Variants in ZNF385D observed in about 807,000 individuals in gnomAD.
The protein encoded by ZNF385D is zinc finger protein 659.
ZNF385D carries 15 observed loss-of-function variants against 35.8 expected under a neutral mutation model. The observed-to-expected ratio is 0.42, with a 90% CI of 0.28 to 0.64. The LOEUF (loss-of-function observed/expected upper bound fraction) is 0.64. Among genes scored for constraint, ZNF385D ranks in the 30% least tolerant of loss-of-function variants. The pLI is 0.23. For synonymous variants in ZNF385D, 212 were observed against 186.8 expected, an observed-to-expected ratio of 1.13 and a Z score of -1.10; for missense variants, 474 against 494.6, an observed-to-expected ratio of 0.96 and a Z score of 0.39.
At chr3:21,890,563 G>A (rs1438711067) in intron 3 of ZNF385D, among the ~76,000 whole-genome samples, 3 of 152,252 alleles carry the variant, frequency 2.0e-5, no homozygotes, top group South Asian at 2.1e-4. Context: ...AGGTTGCAGT[G>A]AGCCAAGATC....
At position 22,261,271 on chromosome 3, in the gene ZNF385D, C is replaced by A. The variant is rs373703450; in HGVS notation, c.107-92236G>T. On this transcript the variant is annotated intron_variant, in intron 2 of 5. Transcript: ENST00000494108. ...AGGAGGAGACAGAGAACCAGCTAGA[C>A]AGACTGTAACATTATAGTTAAAGAC... Among the ~76,000 whole-genome samples the A allele has an allele frequency of 3.3e-5, 5 of 151,902 alleles. No homozygotes were observed. In the South Asian group the frequency reaches 1.0e-3, roughly 32 times the overall value.
At chr3:22,000,369 C>G (rs1157272184) in intron 3 of ZNF385D, among the ~76,000 whole-genome samples, 1 of 152,072 alleles carries the variant, frequency 6.6e-6, no homozygotes, top group South Asian at 2.1e-4. Flanking sequence ...TCTGGTCATC[C>G]TCACTGCTAC....
At chr3:22,143,690 C>A (rs1280264826) in intron 3 of ZNF385D, among the ~76,000 whole-genome samples, 1 of 152,134 alleles carries the variant, frequency 6.6e-6, no homozygotes, top group African/African-American at 2.4e-5. Context: ...TGAACATCAA[C>A]ATATTAACAA....
At chr3:22,139,879 G>A (rs555140820) in intron 3 of ZNF385D, among the ~76,000 whole-genome samples, 133 of 152,024 alleles carry the variant, frequency 8.7e-4, no homozygotes, top group Admixed American at 3.9e-3. Context: ...AAATAAAAGC[G>A]TGAAATAAAA....
chr3:21,774,383 C>A (rs2125620493), intron 3 of ZNF385D, among the ~76,000 whole-genome samples: 1 of 151,826 alleles, frequency 6.6e-6, no homozygotes, highest in Admixed American at 6.6e-5. Flanking sequence ...CACACATTGA[C>A]CTATGTAACA....
At chr3:21,624,151 C>G (rs1173277194) in intron 2 of ZNF385D, among the ~76,000 whole-genome samples, 1 of 152,010 alleles carries the variant, frequency 6.6e-6, no homozygotes, top group Non-Finnish European at 1.5e-5. Context: ...TTATGGAAAC[C>G]AACCGCACTA....
intron 3 of ZNF385D, among the ~76,000 whole-genome samples, chr3:21,839,713 C>T (rs1040357328): frequency 4.6e-5 from 7 of 151,988 alleles, no homozygotes; most frequent in African/African-American, 1.7e-4. Flanking sequence ...ACAGAACAGC[C>T]ATTATTTGGA....
intron 3 of ZNF385D, among the ~76,000 whole-genome samples, chr3:21,806,532 G>T (rs1339778297): frequency 6.6e-6 from 1 of 151,862 alleles, no homozygotes; most frequent in African/African-American, 2.4e-5. Context: ...AGTTAATTGG[G>T]GTCACAGAAC....
chr3:21,694,042 C>CTGTTTTTTTTTTTTTT (rs2067379702), intron 1 of ZNF385D, among the ~76,000 whole-genome samples: 1 of 22,178 alleles, frequency 4.5e-5, no homozygotes. Flanking sequence ...CTACGCCTGG[C>CTGTTTTTTTTTTTTTT]TTTTTTTTTT....
chr3:21,588,597 A>C (rs1293386173), intron 2 of ZNF385D, among the ~76,000 whole-genome samples: 1 of 152,156 alleles, frequency 6.6e-6, no homozygotes, highest in African/African-American at 2.4e-5. Context: ...ATGGATAGAA[A>C]CATTAAAAAT....
At chr3:22,134,289 G>A (rs1015088246) in intron 3 of ZNF385D, 2 of 151,834 alleles carry the variant, frequency 1.3e-5, no homozygotes, top group Non-Finnish European at 2.9e-5. Context: ...ATGTAATTCA[G>A]AACAAAAAAA....
At chr3:21,913,329 T>A (rs896691363) in intron 3 of ZNF385D, among the ~76,000 whole-genome samples, 1 of 152,100 alleles carries the variant, frequency 6.6e-6, no homozygotes, top group Non-Finnish European at 1.5e-5. Context: ...CATAAAACTA[T>A]TTTCTCAGGT....
chr3:21,521,223 C>T, intron 3 of ZNF385D, among the ~76,000 whole-genome samples: 1 of 152,152 alleles, frequency 6.6e-6, no homozygotes, highest in Non-Finnish European at 1.5e-5. Flanking sequence ...GAATAAACAT[C>T]GTCACAGTTC....
intron 1 of ZNF385D, among the ~76,000 whole-genome samples, chr3:21,747,390 C>T (rs17009449): frequency 0.065 from 9,866 of 152,248 alleles, 430 homozygotes; most frequent in South Asian, 0.13. Context: ...AAGCTTACCA[C>T]AGTCTCTACC....
chr3:22,187,841 G>C (rs1361047277), intron 2 of ZNF385D, among the ~76,000 whole-genome samples: 13 of 152,274 alleles, frequency 8.5e-5, no homozygotes, highest in Non-Finnish European at 5.9e-5. Context: ...TGGACACTGA[G>C]AGACTATCTT....
intron 2 of ZNF385D, among the ~76,000 whole-genome samples, chr3:21,578,602 T>TTGTA (rs1218926264): frequency 5.3e-5 from 8 of 152,162 alleles, no homozygotes; most frequent in Admixed American, 2.0e-4. Flanking sequence ...CCTGCCCCTA[T>TTGTA]TGTATGTTCT....
intron 4 of ZNF385D, among the ~76,000 whole-genome samples, chr3:21,482,409 T>C (rs941394687): frequency 6.6e-6 from 1 of 152,184 alleles, no homozygotes; most frequent in Admixed American, 6.6e-5. Flanking sequence ...AGAAAGTGTA[T>C]GGTCTGCAAA....
intron 3 of ZNF385D, among the ~76,000 whole-genome samples, chr3:21,934,065 G>A (rs1186519203): frequency 1.3e-5 from 2 of 151,700 alleles, no homozygotes; most frequent in African/African-American, 4.8e-5. Context: ...AATTTAGAAA[G>A]AAATCATTCT....
intron 1 of ZNF385D, among the ~76,000 whole-genome samples, chr3:21,740,686 G>A (rs1233161236): frequency 6.6e-6 from 1 of 152,160 alleles, no homozygotes; most frequent in Non-Finnish European, 1.5e-5. Flanking sequence ...AAAGAACCCA[G>A]GCTTTGAACT....
Sources: gnomAD v4.1 joint callset for allele counts (sites outside exome capture counted in the v4.1 genomes callset) on GRCh38, gnomAD v4.1.1 for gene constraint, MANE v1.5 for transcripts, NCBI Gene and HGNC (gene_info 2026-07-23, HGNC 2026-07-21) for gene names.